MNAT1: variants seen among roughly 807,000 people sequenced by gnomAD.
The protein encoded by MNAT1 is CDK-activating kinase assembly factor MAT1.
Under a neutral mutation model 42.0 loss-of-function variants are expected in MNAT1, and 43 were observed. The observed-to-expected ratio is 1.02, with a 90% CI of 0.80 to 1.32. The LOEUF (loss-of-function observed/expected upper bound fraction) is 1.32, where lower values mean the gene tolerates loss of function less well. Ranked by LOEUF, MNAT1 falls within the 40% of genes most tolerant of loss-of-function variation. The probability of loss-of-function intolerance (pLI) is 0.00; values close to 1 mark genes in which losing one functional copy is unlikely to be tolerated. For missense variants in MNAT1, 306 were observed against 350.4 expected (o/e 0.87, Z 1.01); for synonymous variants, 118 against 120.0 (o/e 0.98, Z 0.11).
At chr14:60,754,495 G>A (rs1352377621) in intron 1 of MNAT1, among the ~76,000 whole-genome samples, 8 of 152,010 alleles carry the variant, frequency 5.3e-5, no homozygotes, top group African/African-American at 1.7e-4. Flanking sequence ...CTACAGGCGT[G>A]TGCCACCACA....
intron 1 of MNAT1, among the ~76,000 whole-genome samples, chr14:60,741,666 T>TTTA: frequency 6.9e-6 from 1 of 145,912 alleles, no homozygotes; most frequent in Non-Finnish European, 1.5e-5. Flanking sequence ...GGGTTTTTTT[T>TTTA]TTTTTTTTTT....
chr14:60,959,464 C>T (rs1158473228), intron 7 of MNAT1, among the ~76,000 whole-genome samples: 1 of 152,228 alleles, frequency 6.6e-6, no homozygotes, highest in Non-Finnish European at 1.5e-5. Context: ...GCTGATTTCT[C>T]AGGCAGTACC....
intron 7 of MNAT1, among the ~76,000 whole-genome samples, chr14:60,952,919 T>C (rs1027353991): frequency 6.6e-6 from 1 of 152,054 alleles, no homozygotes; most frequent in Non-Finnish European, 1.5e-5. Context: ...GGGAATGATA[T>C]GTCAGAGTAG....
At chr14:60,782,730 C>A (rs2031507541) in intron 1 of MNAT1, among the ~76,000 whole-genome samples, 2 of 152,074 alleles carry the variant, frequency 1.3e-5, no homozygotes, top group South Asian at 4.2e-4. Context: ...TTATTTCTCA[C>A]AAGGAAGGAA....
intron 7 of MNAT1, among the ~76,000 whole-genome samples, chr14:60,967,085 G>A (rs1044399038): frequency 1.3e-5 from 2 of 152,136 alleles, no homozygotes; most frequent in South Asian, 2.1e-4. Flanking sequence ...CTTGATTTGT[G>A]GCAATGTGAA....
intron 1 of MNAT1, among the ~76,000 whole-genome samples, chr14:60,767,047 A>G (rs927159462): frequency 6.6e-5 from 10 of 152,202 alleles, no homozygotes; most frequent in Non-Finnish European, 1.5e-4. Flanking sequence ...ATAAGTTGTT[A>G]AGGTTTGGAT....
intron 1 of MNAT1, among the ~76,000 whole-genome samples, chr14:60,769,501 C>G (rs2030970429): frequency 6.6e-6 from 1 of 151,664 alleles, no homozygotes; most frequent in Non-Finnish European, 1.5e-5. Flanking sequence ...ACAGGCTGAT[C>G]TTGAACTCCT....
intron 1 of MNAT1, chr14:60,780,096 C>A: frequency 6.8e-7 from 1 of 1,460,362 alleles, no homozygotes; most frequent in Non-Finnish European, 9.6e-7. Context: ...ATTTATCCAT[C>A]TGAAATCTTT....
chr14:60,783,508 G>A (rs2031536124), intron 1 of MNAT1, among the ~76,000 whole-genome samples: 1 of 152,190 alleles, frequency 6.6e-6, no homozygotes, highest in African/African-American at 2.4e-5. Context: ...TTGGAAGAAT[G>A]TATTATTACC....
At chr14:60,914,780 C>T (rs1408952592) in intron 7 of MNAT1, among the ~76,000 whole-genome samples, 1 of 152,124 alleles carries the variant, frequency 6.6e-6, no homozygotes, top group African/African-American at 2.4e-5. Context: ...AAGTAGTGGT[C>T]AAGATAGGTC....
chr14:60,820,354 T>G (rs145413874), intron 6 of MNAT1, among the ~76,000 whole-genome samples: 1 of 152,114 alleles, frequency 6.6e-6, no homozygotes, highest in Non-Finnish European at 1.5e-5. Context: ...GGACCGTTTC[T>G]TTCCTTTGAC....
At chr14:60,937,466 C>T (rs1418689710) in intron 7 of MNAT1, among the ~76,000 whole-genome samples, 1 of 152,082 alleles carries the variant, frequency 6.6e-6, no homozygotes, top group African/African-American at 2.4e-5. Flanking sequence ...TTTCTCAGCA[C>T]CATTTGTTAT....
chr14:60,962,409 A>G (rs572193588), intron 7 of MNAT1, among the ~76,000 whole-genome samples: 1 of 152,312 alleles, frequency 6.6e-6, no homozygotes, highest in East Asian at 1.9e-4. Flanking sequence ...TGTAGTATAT[A>G]GACAGAATCT....
chr14:60,830,100 G>T (rs1158498688), intron 6 of MNAT1, among the ~76,000 whole-genome samples: 2 of 152,160 alleles, frequency 1.3e-5, no homozygotes, highest in Admixed American at 6.5e-5. Context: ...TCATTTATGA[G>T]GAGTGGAGTA....
intron 5 of MNAT1, 107 bp downstream of exon 5, chr14:60,812,234 C>A: frequency 9.2e-7 from 1 of 1,089,416 alleles, no homozygotes; most frequent in Non-Finnish European, 1.3e-6. Context: ...TGTTTGTAAT[C>A]TGGTTCACCT....
At chr14:60,875,106 T>C (rs1402743126) in intron 6 of MNAT1, among the ~76,000 whole-genome samples, 1 of 152,102 alleles carries the variant, frequency 6.6e-6, no homozygotes, top group African/African-American at 2.4e-5. Flanking sequence ...TGTTTATTTC[T>C]CTCTAAATGT....
chr14:60,737,997 C>A (rs1457516460), intron 1 of MNAT1, among the ~76,000 whole-genome samples: 35 of 146,218 alleles, frequency 2.4e-4, no homozygotes, highest in Admixed American at 2.4e-3. Context: ...TACAGGCGCC[C>A]GCTACCACGC....
chr14:60,942,003 CAAAAAAAAAAAAAAAAA>C lies in MNAT1; in HGVS notation c.810-26213_810-26197del, dbSNP rs3080602. On this transcript the variant is annotated intron_variant, in intron 7 of 7. Transcript: ENST00000261245. ...TGGGCGACAGAATGAGGCTCCATCT[CAAAAAAAAAAAAAAAAA>C]AAAAAAAAAAAAGTCAATAAATGAA... Among the ~76,000 whole-genome samples the C allele has an allele frequency of 3.6e-3, 107 of 29,942 alleles. 2 individuals are homozygous for C. Among genetic ancestry groups the C allele is most frequent in the South Asian group, 0.021 (8 of 388 alleles). 19.6% of individuals were successfully genotyped at this position (29,942 alleles called of 152,430 possible). A position where few individuals can be genotyped will look rare whatever the true frequency, so the allele number is the denominator to read the frequency against.
At chr14:60,941,389 A>G (rs372934067) in intron 7 of MNAT1, among the ~76,000 whole-genome samples, 3 of 152,266 alleles carry the variant, frequency 2.0e-5, no homozygotes, top group African/African-American at 7.2e-5. Flanking sequence ...CTCCTTAAAG[A>G]TTTACCTTGT....
Sources: gnomAD v4.1 joint callset for allele counts (sites outside exome capture counted in the v4.1 genomes callset) on GRCh38, gnomAD v4.1.1 for gene constraint, MANE v1.5 for transcripts, NCBI Gene and HGNC (gene_info 2026-07-23, HGNC 2026-07-21) for gene names.